Variants in ATXN1 observed in about 807,000 individuals in gnomAD.
The protein encoded by ATXN1 is ataxin 1, also known as ataxin-1.
A neutral mutation model predicts 56.4 loss-of-function variants in ATXN1; 8 were observed. The observed-to-expected ratio is 0.14, with a 90% confidence interval of 0.08 to 0.26. The LOEUF is 0.26. Among genes scored for constraint, ATXN1 ranks in the 10% least tolerant of loss-of-function variants. The pLI, the probability that ATXN1 is intolerant of heterozygous loss-of-function variation, is 1.00. For missense variants in ATXN1, 987 were observed against 1,106.5 expected (o/e 0.89, Z 1.53); for synonymous variants, 514 against 494.6 (o/e 1.04, Z -0.52).
intron 2 of ATXN1, among the ~76,000 whole-genome samples, chr6:16,717,950 G>A (rs1372386204): frequency 6.6e-6 from 1 of 152,242 alleles, no homozygotes; most frequent in Non-Finnish European, 1.5e-5. Context: ...TCAGGACAAA[G>A]TTTCTGTTTG....
At chr6:16,627,411 C>T (rs377521337) in intron 3 of ATXN1, among the ~76,000 whole-genome samples, 10 of 152,134 alleles carry the variant, frequency 6.6e-5, no homozygotes, top group African/African-American at 2.4e-4. Flanking sequence ...CCATTTCATA[C>T]ATATCACCCA....
intron 3 of ATXN1, among the ~76,000 whole-genome samples, chr6:16,624,117 G>C (rs573896240): frequency 6.6e-6 from 1 of 152,138 alleles, no homozygotes; most frequent in African/African-American, 2.4e-5. Flanking sequence ...TTGGGAGGCC[G>C]AGGTGGGCAG....
chr6:16,519,486 C>T (rs893238305), intron 5 of ATXN1, among the ~76,000 whole-genome samples: 3 of 152,168 alleles, frequency 2.0e-5, no homozygotes, highest in Admixed American at 6.5e-5. Flanking sequence ...ATGGGTATTG[C>T]ATTTCTCTGT....
intron 6 of ATXN1, chr6:16,485,271 A>C (rs1191208473): frequency 6.6e-6 from 1 of 152,138 alleles, no homozygotes; most frequent in Non-Finnish European, 1.5e-5. Context: ...GCACCTTTGC[A>C]TTATTTCCTA....
intron 3 of ATXN1, among the ~76,000 whole-genome samples, chr6:16,586,329 C>T (rs984879450): frequency 6.6e-6 from 1 of 152,208 alleles, no homozygotes; most frequent in African/African-American, 2.4e-5. Context: ...TCTAAGACTC[C>T]TTCTAGCCAC....
At chr6:16,454,983 G>A (rs953242600) in intron 6 of ATXN1, among the ~76,000 whole-genome samples, 2 of 152,192 alleles carry the variant, frequency 1.3e-5, no homozygotes, top group African/African-American at 4.8e-5. Context: ...CCACTGTTAT[G>A]TATGGAAAGG....
intron 5 of ATXN1, among the ~76,000 whole-genome samples, chr6:16,521,707 G>A (rs753718025): frequency 1.3e-5 from 2 of 152,238 alleles, no homozygotes; most frequent in Non-Finnish European, 2.9e-5. Context: ...TCTGCAGCTG[G>A]ACTGCACACA....
At chr6:16,553,752 C>A (rs531603061) in intron 4 of ATXN1, among the ~76,000 whole-genome samples, 1 of 152,336 alleles carries the variant, frequency 6.6e-6, no homozygotes, top group South Asian at 2.1e-4. Flanking sequence ...ATGGCCACAG[C>A]TATTGCCTGG....
rs1354007963 is a variant in ATXN1, at chr6:16,368,343, C to CTTCTTTTTTTTTTTTTTT, written c.-160-39874_-160-39873insAAAAAAAAAAAAAAAGAA. ...TATTTCTTTGGCTTGACTTCTTCTTCTTTTTTTTTTTTTTTTTTTTTTTTG... is the reference window on the plus strand; with the variant it reads ...TATTTCTTTGGCTTGACTTCTTCTTCTTCTTTTTTTTTTTTTTTTTTTTTTTTTTTTTTTTTTTTTTTG... On this transcript the variant is annotated intron_variant, in intron 6 of 7. Transcript: ENST00000436367. Among the ~76,000 whole-genome samples, 8 of 75,856 alleles carry CTTCTTTTTTTTTTTTTTT rather than the reference C, an allele frequency of 1.1e-4. 2 individuals carry two copies. The highest frequency in any genetic ancestry group is 3.1e-4 in the African/African-American group (8 of 25,890). 49.8% of individuals were successfully genotyped at this position (75,856 alleles called of 152,430 possible). A position where few individuals can be genotyped will look rare whatever the true frequency, so the allele number is the denominator to read the frequency against.
intron 2 of ATXN1, among the ~76,000 whole-genome samples, chr6:16,714,033 C>G (rs1401050847): frequency 1.3e-5 from 2 of 151,950 alleles, no homozygotes; most frequent in African/African-American, 4.8e-5. Context: ...GTGTGCACCT[C>G]TAGTCCCAGC....
At chr6:16,319,321 G>A (rs769201870) in intron 7 of ATXN1, among the ~76,000 whole-genome samples, 6 of 152,130 alleles carry the variant, frequency 3.9e-5, no homozygotes, top group Non-Finnish European at 5.9e-5. Flanking sequence ...AATGCATATC[G>A]CTAAGTGAGA....
intron 3 of ATXN1, among the ~76,000 whole-genome samples, chr6:16,640,551 C>T (rs573102052): frequency 1.3e-5 from 2 of 151,904 alleles, no homozygotes; most frequent in African/African-American, 4.8e-5. Context: ...GACGTAGTGG[C>T]GGGTGCCTGT....
At chr6:16,630,024 T>C (rs1763478045) in intron 3 of ATXN1, among the ~76,000 whole-genome samples, 1 of 152,188 alleles carries the variant, frequency 6.6e-6, no homozygotes, top group South Asian at 2.1e-4. Flanking sequence ...TTATTAGATA[T>C]TATAAAGGTT....
intron 4 of ATXN1, among the ~76,000 whole-genome samples, chr6:16,564,313 G>GAAA (rs11403124): frequency 9.9e-5 from 15 of 151,038 alleles, no homozygotes; most frequent in African/African-American, 3.6e-4. Flanking sequence ...TGTGTAAAAT[G>GAAA]AAAAAAAAAT....
At chr6:16,630,841 T>C (rs752344597) in intron 3 of ATXN1, among the ~76,000 whole-genome samples, 16 of 152,240 alleles carry the variant, frequency 1.1e-4, no homozygotes, top group Non-Finnish European at 2.1e-4. Context: ...CTCAGAAGTA[T>C]TGCTATTAAT....
At chr6:16,519,223 C>A (rs1357573953) in intron 5 of ATXN1, among the ~76,000 whole-genome samples, 1 of 152,022 alleles carries the variant, frequency 6.6e-6, no homozygotes, top group Non-Finnish European at 1.5e-5. Flanking sequence ...AACACTCAGG[C>A]CCCCAAAGCA....
intron 2 of ATXN1, among the ~76,000 whole-genome samples, chr6:16,731,519 G>A (rs545893984): frequency 7.9e-6 from 1 of 126,418 alleles, no homozygotes; most frequent in South Asian, 2.5e-4. Context: ...GCTTTCAGGA[G>A]CTTGAAAAAT....
chr6:16,707,860 T>C (rs1212336605), intron 2 of ATXN1, among the ~76,000 whole-genome samples: 1 of 151,912 alleles, frequency 6.6e-6, no homozygotes, highest in Non-Finnish European at 1.5e-5. Context: ...TAAAATAAAA[T>C]GTGTTCGGGA....
chr6:16,471,181 T>C (rs574686832), intron 6 of ATXN1, among the ~76,000 whole-genome samples: 6 of 144,208 alleles, frequency 4.2e-5, no homozygotes, highest in Non-Finnish European at 9.0e-5. Flanking sequence ...GAAAGACTTC[T>C]GGCAATTAAA....
Sources: allele counts gnomAD v4.1 joint callset (sites outside exome capture counted in the v4.1 genomes callset), GRCh38; gene constraint gnomAD v4.1.1; transcripts MANE v1.5; gene names NCBI Gene and HGNC (gene_info 2026-07-23, HGNC 2026-07-21).